Variants in CADPS2 observed in about 807,000 individuals in gnomAD.
CADPS2 encodes the protein calcium dependent secretion activator 2, also known as calcium-dependent secretion activator 2.
A neutral mutation model predicts 172.5 loss-of-function variants in CADPS2; 93 were observed. The observed-to-expected ratio is 0.54, with a 90% CI of 0.46 to 0.64. The LOEUF (loss-of-function observed/expected upper bound fraction) is 0.64, where lower values mean the gene tolerates loss of function less well. Among genes scored for constraint, CADPS2 ranks in the 30% least tolerant of loss-of-function variants. The pLI is 0.00. For synonymous variants in CADPS2, 546 were observed against 555.2 expected, an observed-to-expected ratio of 0.98 and a Z score of 0.23; for missense variants, 1,420 against 1,565.9, an observed-to-expected ratio of 0.91 and a Z score of 1.57.
At position 122,637,171 on chromosome 7, in the gene CADPS2, C is replaced by CTTTTTTTT. The variant is rs71161313; in HGVS notation, c.787-7851_787-7844dup. On this transcript the variant is annotated intron_variant, in intron 3 of 29. Coordinates refer to ENST00000449022, the MANE Select transcript of CADPS2 (RefSeq NM_017954.11). ...CTTCTGACTGCATTATGAAATTTTG[C>CTTTTTTTT]TTTTTTTTTTTTTTTTTTTTTTTTT... Among the ~76,000 whole-genome samples the CTTTTTTTT allele has an allele frequency of 3.0e-4, 16 of 53,902 alleles. 2 individuals carry two copies. The highest frequency in any genetic ancestry group is 6.6e-4 in the African/African-American group (9 of 13,648). The allele number at this position is 53,902 out of a possible 152,430, so 35.4% of individuals were successfully genotyped here. A position where few individuals can be genotyped will look rare whatever the true frequency, so the allele number is the denominator to read the frequency against.
chr7:122,414,075 C>G lies in CADPS2; in HGVS notation c.2582G>C (p.Gly861Ala). Residue 861 changes from glycine (G) to alanine (A), a missense_variant and splice_region_variant, in exon 19 of 30, where the codon GGA becomes GCA. Gly to Ala is a moderately conservative substitution (Grantham distance 60). Transcript: ENST00000449022. ...LQQNEEHHAEGREAFAWWPDL... is the reference protein window; with the variant it reads ...LQQNEEHHAEAREAFAWWPDL... ...GGAAATCATTTTACTCACCTCTCTT[C>G]CCTGAGGGTTTCCAAGAATTTGGAA... The G allele has an allele frequency of 6.5e-7, 1 of 1,537,866 alleles. No individual in the cohort carries two copies. The highest frequency in any genetic ancestry group is 8.6e-7 in the Non-Finnish European group (1 of 1,156,914).
rs1245519988 is a variant in CADPS2, at chr7:122,658,915, ATG to A, written c.786+4320_786+4321del. Among the ~76,000 whole-genome samples, 4 of 151,712 alleles carry A rather than the reference ATG, an allele frequency of 2.6e-5. No individual in the cohort carries two copies. In the East Asian group the frequency reaches 7.7e-4, roughly 29 times the overall value. Reference sequence around the variant, plus strand: ...ATTAAAAATAAGGAGATTTAATAATATGTAAAAAAAAAAGTTTCTCGTACTTA... The same window carrying A: ...ATTAAAAATAAGGAGATTTAATAATATAAAAAAAAAAGTTTCTCGTACTTA... On this transcript the variant is annotated intron_variant, in intron 3 of 29. Coordinates refer to ENST00000449022, the MANE Select transcript of CADPS2 (RefSeq NM_017954.11).
At chr7:122,388,788 A>T (rs2044006294) in intron 22 of CADPS2, 50 bp from the exon 23 acceptor site, 1 of 1,452,084 alleles carries the variant, frequency 6.9e-7, no homozygotes, top group Admixed American at 2.2e-5. Context: ...TTAATTAGGT[A>T]TACCATTAAT....
At chr7:122,393,605 G>A (rs1004751149) in intron 20 of CADPS2, 23 bp from the exon 21 acceptor site, 1 of 1,613,268 alleles carries the variant, frequency 6.2e-7, no homozygotes, top group Non-Finnish European at 8.5e-7. Flanking sequence ...AGCAGAAACA[G>A]TGTTTGTCAG....
intron 1 of CADPS2, among the ~76,000 whole-genome samples, chr7:122,782,332 A>G (rs1777297698): frequency 6.6e-6 from 1 of 151,866 alleles, no homozygotes; most frequent in Non-Finnish European, 1.5e-5. Flanking sequence ...ATTGTTAAAT[A>G]ACAGTATAGT....
intron 8 of CADPS2, among the ~76,000 whole-genome samples, chr7:122,531,847 A>AT (rs1187853623): frequency 6.6e-6 from 1 of 152,052 alleles, no homozygotes; most frequent in Non-Finnish European, 1.5e-5. Context: ...CCTGGCCAAT[A>AT]TGGTGAAACC....
intron 2 of CADPS2, chr7:122,676,705 C>T: frequency 6.3e-7 from 1 of 1,588,218 alleles, no homozygotes. Flanking sequence ...CCTGGAGGTG[C>T]TGTACAGGAA....
chr7:122,729,344 C>T (rs1025337246), intron 2 of CADPS2, among the ~76,000 whole-genome samples: 4 of 151,594 alleles, frequency 2.6e-5, no homozygotes, highest in African/African-American at 9.7e-5. Context: ...TGCAGGTATT[C>T]TTTTGACATA....
rs139980482 is a variant in CADPS2, at chr7:122,698,258, G to A, written c.454-34689C>T. 7.0e-5 allele frequency: 113 copies of A among 1,613,852 alleles called. No homozygotes were observed. The Admixed American group carries it at 8.7e-4, about 12-fold the overall frequency. On this transcript the variant is annotated intron_variant, in intron 2 of 29. Transcript: ENST00000449022. ...TCTGTTGTTAATCGCTGCCATCTCC[G>A]GTTCTGAATCCTTGCTAAACAAAGT...
chr7:122,662,904 T>C (rs1406243884), intron 3 of CADPS2, among the ~76,000 whole-genome samples: 1 of 152,220 alleles, frequency 6.6e-6, no homozygotes, highest in East Asian at 1.9e-4. Flanking sequence ...TATTATAATT[T>C]GCCAAGCTTC....
At chr7:122,513,609 T>C (rs2060151966) in intron 8 of CADPS2, among the ~76,000 whole-genome samples, 1 of 152,214 alleles carries the variant, frequency 6.6e-6, no homozygotes. Context: ...AATTTTATTC[T>C]TACATGCAAT....
intron 1 of CADPS2, among the ~76,000 whole-genome samples, chr7:122,865,762 C>T (rs1818146752): frequency 6.6e-6 from 1 of 152,212 alleles, no homozygotes; most frequent in South Asian, 2.1e-4. Flanking sequence ...TAGACTTCAA[C>T]CACACAGCAT....
intron 1 of CADPS2, among the ~76,000 whole-genome samples, chr7:122,737,414 T>C (rs981506103): frequency 6.6e-6 from 1 of 152,130 alleles, no homozygotes; most frequent in Non-Finnish European, 1.5e-5. Context: ...AGTAGAGATG[T>C]TGGCCAGACT....
chr7:122,543,924 T>TA (rs1394983229), intron 8 of CADPS2, among the ~76,000 whole-genome samples: 2 of 151,982 alleles, frequency 1.3e-5, no homozygotes, highest in East Asian at 3.9e-4. Context: ...CAGTGGATGG[T>TA]AAAAGCCAAA....
chr7:122,689,435 G>A (rs1037551856), intron 2 of CADPS2, among the ~76,000 whole-genome samples: 1 of 152,194 alleles, frequency 6.6e-6, no homozygotes, highest in Non-Finnish European at 1.5e-5. Context: ...GGCCCGAGCT[G>A]TGTGCTCTGC....
intron 2 of CADPS2, among the ~76,000 whole-genome samples, chr7:122,710,558 T>A (rs891685249): frequency 1.3e-5 from 2 of 152,084 alleles, no homozygotes; most frequent in African/African-American, 4.8e-5. Flanking sequence ...GATGACATAT[T>A]TCACTTCTGT....
chr7:122,396,319 G>A (rs567232705), intron 20 of CADPS2, among the ~76,000 whole-genome samples: 33 of 152,108 alleles, frequency 2.2e-4, no homozygotes, highest in East Asian at 5.8e-4. Flanking sequence ...GTAAGTTACC[G>A]TGCTCTCTTC....
intron 2 of CADPS2, among the ~76,000 whole-genome samples, chr7:122,706,106 T>C (rs1346346321): frequency 1.1e-5 from 1 of 92,458 alleles, no homozygotes; most frequent in African/African-American, 4.4e-5. Context: ...ATATATATGC[T>C]TATATATTCA....
At chr7:122,352,093 G>C (rs1176968375) in intron 27 of CADPS2, among the ~76,000 whole-genome samples, 1 of 152,182 alleles carries the variant, frequency 6.6e-6, no homozygotes, top group Non-Finnish European at 1.5e-5. Flanking sequence ...CAAGTATCTT[G>C]CTATTTCTGA....
Sources: allele counts gnomAD v4.1 joint callset (sites outside exome capture counted in the v4.1 genomes callset), GRCh38; gene constraint gnomAD v4.1.1; transcripts MANE v1.5; gene names NCBI Gene and HGNC (gene_info 2026-07-23, HGNC 2026-07-21).